PDE11A: variants seen among roughly 807,000 people sequenced by gnomAD.
PDE11A encodes dual 3',5'-cyclic-AMP and -GMP phosphodiesterase 11A.
Under a neutral mutation model 100.5 loss-of-function variants are expected in PDE11A, and 100 were observed. The observed-to-expected ratio is 1.00, with a 90% CI of 0.85 to 1.18. The LOEUF (loss-of-function observed/expected upper bound fraction) is 1.18. Among genes scored for constraint, PDE11A ranks in the 50% most tolerant of loss-of-function variants. The pLI, the probability that PDE11A is intolerant of heterozygous loss-of-function variation, is 0.00. For synonymous variants in PDE11A, 381 were observed against 420.8 expected (o/e 0.91, Z 1.16); for missense variants, 1,141 against 1,152.6 (o/e 0.99, Z 0.15).
chr2:177,662,991 G>T (rs2080505477), intron 19 of PDE11A, among the ~76,000 whole-genome samples: 1 of 152,172 alleles, frequency 6.6e-6, no homozygotes, highest in South Asian at 2.1e-4. Context: ...GAACTAAAGA[G>T]CTTTTGCTTT....
chr2:177,796,730 A>G (rs2082712714), intron 9 of PDE11A, among the ~76,000 whole-genome samples: 1 of 152,190 alleles, frequency 6.6e-6, no homozygotes, highest in South Asian at 2.1e-4. Flanking sequence ...TTGGCCAACT[A>G]TAAACACGGC....
intron 2 of PDE11A, among the ~76,000 whole-genome samples, chr2:177,906,179 ACG>A (rs377017849): frequency 3.6e-4 from 21 of 58,022 alleles, no homozygotes; most frequent in South Asian, 1.2e-3. Context: ...ACACACACAC[ACG>A]CACGCACGCA....
upstream of PDE11A, among the ~76,000 whole-genome samples, chr2:178,073,799 C>A (rs2087169442): frequency 6.6e-6 from 1 of 151,970 alleles, no homozygotes; most frequent in South Asian, 2.1e-4. Flanking sequence ...CTCACAAGTG[C>A]CTATTTTAAA....
intron 1 of PDE11A, among the ~76,000 whole-genome samples, chr2:178,019,861 T>C (rs1438703779): frequency 6.6e-6 from 1 of 152,050 alleles, no homozygotes; most frequent in Non-Finnish European, 1.5e-5. Flanking sequence ...GAGATTGAGA[T>C]AAAGGTGAAA....
chr2:178,098,045 CAT>C (rs571742770), intron 2 of PDE11A, among the ~76,000 whole-genome samples: 79 of 152,116 alleles, frequency 5.2e-4, no homozygotes, highest in African/African-American at 1.6e-3. Flanking sequence ...TTTACTGAAA[CAT>C]AGGGGGAAAA....
rs1033083801 is a variant in PDE11A at position 177,993,843 on chromosome 2, T to G, written c.1071+20459A>C. Reference sequence around the variant, plus strand: ...TTACCTCATCTATAAAGAAAAAAATTTAACAATTCTTACCTACCTCATAAG... The same window carrying G: ...TTACCTCATCTATAAAGAAAAAAATGTAACAATTCTTACCTACCTCATAAG... On this transcript the variant is annotated intron_variant, in intron 2 of 19. Transcript: ENST00000286063. 4.6e-5 allele frequency among the ~76,000 whole-genome samples: 7 copies of G among 152,060 alleles called. No homozygotes were observed. The East Asian group carries it at 1.3e-3, about 29-fold the overall frequency.
chr2:177,947,309 C>T (rs1360239319), intron 2 of PDE11A, among the ~76,000 whole-genome samples: 1 of 148,064 alleles, frequency 6.8e-6, no homozygotes, highest in African/African-American at 2.5e-5. Context: ...ACAATGGCGG[C>T]TTTGTGGAAT....
At chr2:178,086,146 C>G (rs2087351978) in intron 2 of PDE11A, among the ~76,000 whole-genome samples, 1 of 152,186 alleles carries the variant, frequency 6.6e-6, no homozygotes, top group Non-Finnish European at 1.5e-5. Context: ...TAGTCTCAGG[C>G]CTCTCTCTGC....
At chr2:177,672,047 C>G (rs1289081353) in intron 17 of PDE11A, among the ~76,000 whole-genome samples, 3 of 152,130 alleles carry the variant, frequency 2.0e-5, no homozygotes, top group Non-Finnish European at 4.4e-5. Flanking sequence ...ATTACAGGAG[C>G]CTCCCCCAGT....
At chr2:178,072,996 C>A (rs1469899710), upstream of PDE11A, 11 of 985,012 alleles carry the variant, frequency 1.1e-5, no homozygotes, top group African/African-American at 1.9e-4. Context: ...AAGAGGGAAA[C>A]GCACCTTGTT....
chr2:177,707,069 A>G (rs758975957), intron 13 of PDE11A, among the ~76,000 whole-genome samples: 1 of 152,258 alleles, frequency 6.6e-6, no homozygotes, highest in Non-Finnish European at 1.5e-5. Context: ...AACTCAAAAT[A>G]GATGTCACAA....
chr2:177,684,423 A>G (rs1208680744), intron 15 of PDE11A, among the ~76,000 whole-genome samples: 2 of 152,344 alleles, frequency 1.3e-5, no homozygotes, highest in East Asian at 3.9e-4. Flanking sequence ...AAATAAATGT[A>G]AAACATCCAT....
chr2:177,892,814 C>T (rs973971092), intron 4 of PDE11A, among the ~76,000 whole-genome samples: 1 of 152,212 alleles, frequency 6.6e-6, no homozygotes, highest in Non-Finnish European at 1.5e-5. Context: ...CAACCCTGTC[C>T]CTTCCTCATC....
chr2:177,841,511 C>T (rs940822013), intron 5 of PDE11A, among the ~76,000 whole-genome samples: 5 of 152,160 alleles, frequency 3.3e-5, no homozygotes, highest in African/African-American at 7.2e-5. Flanking sequence ...ATGTGCACAT[C>T]GTCTTTGTTA....
intron 1 of PDE11A, among the ~76,000 whole-genome samples, chr2:178,038,502 A>G (rs2086644373): frequency 6.6e-6 from 1 of 152,220 alleles, no homozygotes; most frequent in Non-Finnish European, 1.5e-5. Context: ...GGTGGTGTTC[A>G]GAATATATAT....
intron 4 of PDE11A, among the ~76,000 whole-genome samples, chr2:177,880,376 T>C (rs895251606): frequency 2.6e-5 from 4 of 152,116 alleles, no homozygotes; most frequent in Admixed American, 6.5e-5. Context: ...CAAGCCCCAA[T>C]AAAGACTCTA....
intron 9 of PDE11A, among the ~76,000 whole-genome samples, chr2:177,786,825 G>A (rs1335479549): frequency 6.6e-6 from 1 of 152,014 alleles, no homozygotes; most frequent in African/African-American, 2.4e-5. Flanking sequence ...AAGCGAGAAG[G>A]GAAGTTTAGA....
At chr2:177,847,385 C>T (rs1209289232) in intron 5 of PDE11A, among the ~76,000 whole-genome samples, 3 of 152,130 alleles carry the variant, frequency 2.0e-5, no homozygotes, top group Non-Finnish European at 4.4e-5. Context: ...AAAACTCCCA[C>T]CAGAGATATC....
At position 177,853,835 on chromosome 2, in the gene PDE11A, T is replaced by C. The variant is rs539063593; in HGVS notation, c.1368-13452A>G. Among the ~76,000 whole-genome samples, 4 of 144,234 alleles carry C rather than the reference T, an allele frequency of 2.8e-5. No homozygotes were observed. The South Asian group carries it at 6.4e-4, about 23-fold the overall frequency. The allele number at this position is 144,234 out of a possible 152,430, so 94.6% of individuals were successfully genotyped here. ...ATATATGTATATATATGTGTGTATATATATCTATATATGTGTATATATATC... is the reference window on the plus strand; with the variant it reads ...ATATATGTATATATATGTGTGTATACATATCTATATATGTGTATATATATC... On this transcript the variant is annotated intron_variant, in intron 5 of 19. Transcript: ENST00000286063.
Sources: allele counts gnomAD v4.1 joint callset (sites outside exome capture counted in the v4.1 genomes callset), GRCh38; gene constraint gnomAD v4.1.1; transcripts MANE v1.5; gene names NCBI Gene and HGNC (gene_info 2026-07-23, HGNC 2026-07-21).